NFIA: variants seen among roughly 807,000 people sequenced by gnomAD.
NFIA encodes the protein nuclear factor I A.
In NFIA, 8 loss-of-function variants were observed where a neutral mutation model predicts 62.8. The ratio of observed to expected loss-of-function variants is 0.13; its 90% CI spans 0.07 to 0.23. The LOEUF (loss-of-function observed/expected upper bound fraction) is 0.23, where lower values mean the gene tolerates loss of function less well. Ranked by LOEUF, NFIA falls within the 10% of genes least tolerant of loss-of-function variation. The pLI, the probability that NFIA is intolerant of heterozygous loss-of-function variation, is 1.00. For synonymous variants in NFIA, 235 were observed against 238.1 expected, an observed-to-expected ratio of 0.99 and a Z score of 0.12; for missense variants, 410 against 642.1, an observed-to-expected ratio of 0.64 and a Z score of 3.91.
chr1:61,213,462 G>A (rs1653394696), intron 2 of NFIA, among the ~76,000 whole-genome samples: 1 of 152,098 alleles, frequency 6.6e-6, no homozygotes, highest in South Asian at 2.1e-4. Flanking sequence ...ATGGGCCTGT[G>A]TTTTTTTCAT....
At chr1:61,105,363 G>T (rs551176706) in intron 2 of NFIA, among the ~76,000 whole-genome samples, 8 of 152,034 alleles carry the variant, frequency 5.3e-5, no homozygotes, top group African/African-American at 1.9e-4. Context: ...GTAATATTTA[G>T]AATTTGAATT....
chr1:61,436,555 GAC>G (rs1312337770), intron 10 of NFIA, among the ~76,000 whole-genome samples: 1 of 152,268 alleles, frequency 6.6e-6, no homozygotes, highest in South Asian at 2.1e-4. Context: ...AAGTTCCACT[GAC>G]ACACACAGTT....
chr1:61,130,402 C>T lies in NFIA; in HGVS notation c.559+41722C>T, dbSNP rs183269963. Among the ~76,000 whole-genome samples, 10 of 152,156 alleles carry T rather than the reference C, an allele frequency of 6.6e-5. No individual in the cohort carries two copies. The East Asian group carries it at 1.7e-3, about 26-fold the overall frequency. On this transcript the variant is annotated intron_variant, in intron 2 of 10. Transcript: ENST00000403491. ...CTGTAACTTTCAGATCTTCTGTAAC[C>T]TTTTTAAACAACATAGGAGAGAAGT...
At chr1:61,405,186 C>T in intron 8 of NFIA, among the ~76,000 whole-genome samples, 1 of 152,184 alleles carries the variant, frequency 6.6e-6, no homozygotes, top group Non-Finnish European at 1.5e-5. Context: ...CATATCTGCG[C>T]CAGAACAGGC....
intron 2 of NFIA, among the ~76,000 whole-genome samples, chr1:61,155,197 A>G (rs1239432031): frequency 1.3e-5 from 2 of 152,208 alleles, no homozygotes; most frequent in Non-Finnish European, 2.9e-5. Flanking sequence ...ATATAATTGA[A>G]ATATATTTCT....
At position 61,088,157 on chromosome 1, in the gene NFIA, T is replaced by A. The variant is rs2100413954; in HGVS notation, c.36T>A (p.Phe12Leu). 1 of 1,595,750 alleles carries A rather than the reference T, an allele frequency of 6.3e-7. No individual in the cohort carries two copies. Among genetic ancestry groups the A allele is most frequent in the African/African-American group, 1.4e-5 (1 of 73,682 alleles). The change falls in exon 2 of 11, where the codon TTT becomes TTA. Residue 12 changes from phenylalanine to leucine, a missense_variant. This residue lies in a region of NFIA where 86 missense variants were observed against 124.6 expected (regional missense o/e 0.69). Transcript: ENST00000403491. The surrounding 1 kb of genome is among the most constrained non-coding windows in gnomAD (Gnocchi z 4.5). ...TTTGTTCATTTTCCTAGGATGAATT[T>A]CATCCTTTCATCGAAGCACTTCTGC... Reference protein sequence around the residue: ...YSPLCLTQDEFHPFIEALLPH... With the variant: ...YSPLCLTQDELHPFIEALLPH...
At chr1:61,133,650 A>T (rs1205242006) in intron 2 of NFIA, among the ~76,000 whole-genome samples, 1 of 152,220 alleles carries the variant, frequency 6.6e-6, no homozygotes, top group Non-Finnish European at 1.5e-5. Flanking sequence ...TTAATCAAGA[A>T]TATATTGTTG....
intron 2 of NFIA, among the ~76,000 whole-genome samples, chr1:61,199,856 G>T (rs1428104220): frequency 1.3e-5 from 2 of 151,052 alleles, no homozygotes; most frequent in African/African-American, 2.4e-5. Flanking sequence ...TTAGCCGGGC[G>T]TGGTTGTGCG....
At chr1:61,191,774 C>T (rs564751527) in intron 2 of NFIA, among the ~76,000 whole-genome samples, 31 of 152,152 alleles carry the variant, frequency 2.0e-4, no homozygotes, top group Admixed American at 7.2e-4. Context: ...CTGCTTTTTT[C>T]CCCCCACAGA....
upstream of NFIA, among the ~76,000 whole-genome samples, chr1:61,080,959 C>G (rs1035902593): frequency 2.0e-5 from 3 of 151,562 alleles, no homozygotes; most frequent in Non-Finnish European, 4.4e-5. Flanking sequence ...GGCCTTAACA[C>G]ATCACTCACC....
intron 10 of NFIA, among the ~76,000 whole-genome samples, chr1:61,440,063 A>G (rs1188940016): frequency 6.6e-6 from 1 of 152,234 alleles, no homozygotes; most frequent in Non-Finnish European, 1.5e-5. Flanking sequence ...TAGTGAAAAG[A>G]ACATAAAGAT....
intron 6 of NFIA, 121 bp downstream of exon 6, chr1:61,359,395 G>A (rs904412854): frequency 5.7e-6 from 8 of 1,403,322 alleles, no homozygotes; most frequent in Non-Finnish European, 7.8e-6. Flanking sequence ...TTTTCAGGAT[G>A]AGCACTTGTT....
At chr1:61,206,271 A>G (rs1434093759) in intron 2 of NFIA, among the ~76,000 whole-genome samples, 1 of 152,076 alleles carries the variant, frequency 6.6e-6, no homozygotes, top group Non-Finnish European at 1.5e-5. Context: ...TCATTTTTCA[A>G]TGTTTTGTAT....
intron 2 of NFIA, among the ~76,000 whole-genome samples, chr1:61,109,113 G>A (rs1368944084): frequency 1.3e-5 from 2 of 151,760 alleles, no homozygotes; most frequent in East Asian, 3.9e-4. Context: ...TGGTTTGCAT[G>A]GGTTTACTTT....
In NFIA at chr1:61,082,672, T is replaced by TTCTCTCTCTCTC; in HGVS notation, c.-106_-95dup. On this transcript the variant is annotated 5_prime_UTR_variant, in exon 1 of 11. Coordinates refer to ENST00000403491, the MANE Select transcript of NFIA (RefSeq NM_001134673.4). Reference sequence around the variant, plus strand: ...AGGCTTGATTTTTTTTTCTCCCCCCTTCTCTCTCTCTCTCTCTCTCTCTCT... The same window carrying TTCTCTCTCTCTC: ...AGGCTTGATTTTTTTTTCTCCCCCCTTCTCTCTCTCTCTCTCTCTCTCTCTCTCTCTCTCTCT... 1.0e-6 allele frequency: 1 copy of TTCTCTCTCTCTC among 960,882 alleles called. No homozygotes were observed. Among genetic ancestry groups the TTCTCTCTCTCTC allele is most frequent in the East Asian group, 3.7e-5 (1 of 26,898 alleles). 59.5% of individuals were successfully genotyped at this position (960,882 alleles called of 1,614,324 possible). A position where few individuals can be genotyped will look rare whatever the true frequency, so the allele number is the denominator to read the frequency against.
At chr1:61,239,548 T>G (rs1655211545) in intron 2 of NFIA, among the ~76,000 whole-genome samples, 1 of 152,256 alleles carries the variant, frequency 6.6e-6, no homozygotes, top group Non-Finnish European at 1.5e-5. Flanking sequence ...CTTGAAAAAC[T>G]TTGGGGTAAC....
chr1:61,393,056 G>A (rs1006389752), intron 7 of NFIA, among the ~76,000 whole-genome samples: 2 of 151,758 alleles, frequency 1.3e-5, no homozygotes, highest in Non-Finnish European at 2.9e-5. Flanking sequence ...AGACTTCCTG[G>A]TATCGTACGC....
intron 7 of NFIA, among the ~76,000 whole-genome samples, chr1:61,390,410 A>G (rs957756064): frequency 6.6e-6 from 1 of 152,196 alleles, no homozygotes; most frequent in Non-Finnish European, 1.5e-5. Flanking sequence ...CACTAAAGCA[A>G]TCACCATATA....
intron 2 of NFIA, among the ~76,000 whole-genome samples, chr1:61,172,386 G>A (rs1378450692): frequency 1.3e-5 from 2 of 152,170 alleles, no homozygotes; most frequent in African/African-American, 4.8e-5. Flanking sequence ...TTTAAAGCAG[G>A]CTGTATTTAG....
Sources: gnomAD v4.1 joint callset for allele counts (sites outside exome capture counted in the v4.1 genomes callset) on GRCh38, gnomAD v4.1.1 for gene constraint, gnomAD v4.1.1 regional missense constraint, Gnocchi (gnomAD v3.1) non-coding constraint, MANE v1.5 for transcripts, NCBI Gene and HGNC (gene_info 2026-07-23, HGNC 2026-07-21) for gene names.